The following PEAK1 variants were observed in gnomAD, a reference collection of about 807,000 sequenced individuals.
PEAK1 encodes pseudopodium enriched atypical kinase 1.
A neutral mutation model predicts 124.7 loss-of-function variants in PEAK1; 54 were observed. The observed-to-expected ratio is 0.43, with a 90% confidence interval of 0.35 to 0.54. PEAK1 has a LOEUF of 0.54. PEAK1 is among the 20% of genes least tolerant of loss of function. The pLI is 0.01. For missense variants in PEAK1, 2,046 were observed against 2,134.5 expected, an observed-to-expected ratio of 0.96 and a Z score of 0.82; for synonymous variants, 719 against 760.0, an observed-to-expected ratio of 0.95 and a Z score of 0.89.
At chr15:77,105,893 A>G (rs1208073336), downstream of PEAK1, 1 of 152,264 alleles carries the variant, frequency 6.6e-6, no homozygotes, top group Non-Finnish European at 1.5e-5. Flanking sequence ...ACAGGATGGC[A>G]TCACTGAGGA....
intron 1 of PEAK1, among the ~76,000 whole-genome samples, chr15:77,375,923 C>T (rs1280615043): frequency 1.3e-4 from 20 of 151,828 alleles, no homozygotes; most frequent in Admixed American, 1.1e-3. Flanking sequence ...GGCGGGAACC[C>T]GGGAGGCGGA....
At chr15:77,224,793 G>A (rs1184368744) in intron 6 of PEAK1, among the ~76,000 whole-genome samples, 1 of 151,894 alleles carries the variant, frequency 6.6e-6, no homozygotes, top group Non-Finnish European at 1.5e-5. Context: ...TATTTCATTT[G>A]TATGGAGAGA....
At chr15:77,120,078 A>G (rs1334415114) in intron 9 of PEAK1, among the ~76,000 whole-genome samples, 1 of 152,196 alleles carries the variant, frequency 6.6e-6, no homozygotes, top group Non-Finnish European at 1.5e-5. Flanking sequence ...AAACTGGATG[A>G]TATGACTATG....
intron 2 of PEAK1, among the ~76,000 whole-genome samples, chr15:77,301,647 G>A (rs146604294): frequency 5.5e-4 from 83 of 152,252 alleles, no homozygotes; most frequent in African/African-American, 1.9e-3. Flanking sequence ...AAGGATACAC[G>A]ACATCTCTGT....
At chr15:77,263,579 C>A (rs1380480766) in intron 5 of PEAK1, among the ~76,000 whole-genome samples, 3 of 152,070 alleles carry the variant, frequency 2.0e-5, no homozygotes, top group Non-Finnish European at 4.4e-5. Flanking sequence ...TCTGAATAGA[C>A]CAATAACAGG....
In PEAK1 at chr15:77,272,809, A is replaced by T. The variant is rs2062106611; in HGVS notation, c.-275+11074T>A. Among the ~76,000 whole-genome samples, 2 of 152,190 alleles carry T rather than the reference A, an allele frequency of 1.3e-5. 1 individual carries two copies. Among genetic ancestry groups the T allele is most frequent in the South Asian group, 4.1e-4 (2 of 4,830 alleles). ...AAAACCAGAAAAGGACATAACCAAA[A>T]AAAGAAAACTACAAACCAATATCCC... On this transcript the variant is annotated intron_variant, in intron 5 of 9. Coordinates refer to ENST00000682557, the MANE Select transcript of PEAK1 (RefSeq NM_001385026.1).
At chr15:77,151,736 C>T (rs1256714142) in intron 8 of PEAK1, among the ~76,000 whole-genome samples, 1 of 152,106 alleles carries the variant, frequency 6.6e-6, no homozygotes, top group Non-Finnish European at 1.5e-5. Flanking sequence ...TATGGCTAGC[C>T]AGTTTTCCCA....
intron 9 of PEAK1, among the ~76,000 whole-genome samples, chr15:77,115,779 C>T (rs2051316538): frequency 2.0e-5 from 3 of 152,138 alleles, no homozygotes; most frequent in African/African-American, 7.2e-5. Flanking sequence ...ACCAAAATAC[C>T]TTATTTCATC....
At chr15:77,201,912 C>A (rs2058381967) in intron 6 of PEAK1, among the ~76,000 whole-genome samples, 1 of 152,150 alleles carries the variant, frequency 6.6e-6, no homozygotes, top group South Asian at 2.1e-4. Context: ...AGCAGAATCT[C>A]CAACCCTAAC....
chr15:77,346,478 A>G, intron 2 of PEAK1: 1 of 985,416 alleles, frequency 1.0e-6, no homozygotes, highest in African/African-American at 1.7e-5. Context: ...AGCAGCTGTT[A>G]GAAGCCAATT....
chr15:77,250,211 GTATATATATACACA>G (rs1567166603), intron 6 of PEAK1, among the ~76,000 whole-genome samples: 2 of 131,538 alleles, frequency 1.5e-5, no homozygotes, highest in Non-Finnish European at 3.2e-5. Flanking sequence ...ACATATATAT[GTATATATATACACA>G]TATATATGTA....
At chr15:77,322,157 A>C (rs2065261961) in intron 2 of PEAK1, among the ~76,000 whole-genome samples, 1 of 152,224 alleles carries the variant, frequency 6.6e-6, no homozygotes, top group Non-Finnish European at 1.5e-5. Context: ...TATGGCATTA[A>C]TGCCCACAAG....
chr15:77,133,623 G>C lies in PEAK1; in HGVS notation c.3459C>G (p.Pro1153=), dbSNP rs758984256. The change falls in exon 9 of 10, where the codon CCC becomes CCG. Residue 1153 remains proline, a synonymous_variant. Coordinates refer to ENST00000682557, the MANE Select transcript of PEAK1 (RefSeq NM_001385026.1). The surrounding 1 kb of genome is among the most constrained non-coding windows in gnomAD (Gnocchi z 4.2). ...TTATGATCATCTTCTTTGGCAGTGG[G>C]GGTGGTGTAGGTTGGGAAGCATTGG... ...EAPNASQPTP[P]PLPKKMIIRA... is the part of the protein sequence containing the mutation. 1.9e-6 allele frequency: 3 copies of C among 1,614,028 alleles called. No homozygotes were observed. In the African/African-American group the frequency reaches 4.0e-5, roughly 22 times the overall value.
chr15:77,158,535 G>C lies in PEAK1; in HGVS notation c.3299C>G (p.Pro1100Arg). 3 of 1,614,052 alleles carry C rather than the reference G, an allele frequency of 1.9e-6. No homozygotes were observed. Among genetic ancestry groups the C allele is most frequent in the Non-Finnish European group, 1.7e-6 (2 of 1,179,964 alleles). Residue 1100 changes from proline to arginine, a missense_variant, in exon 8 of 10, where the codon CCG (proline) becomes CGG (arginine). By Grantham distance (103) the Pro-to-Arg change is moderately radical (BLOSUM62 -2). Transcript: ENST00000682557. The stretch of plus-strand genomic sequence containing the variant: ...GCTGTATGTTGCACTACAAGGGTTC[G>C]GGTCCATAGGATCTGAAATGTCTTC... ...GKEDISDPMD[P>R]NPCSATYSNL...
intron 7 of PEAK1, 54 bp downstream of exon 7, chr15:77,178,736 G>C (rs771398470): frequency 2.0e-6 from 3 of 1,520,128 alleles, no homozygotes; most frequent in Non-Finnish European, 2.7e-6. Flanking sequence ...AAAAAACTTA[G>C]CACCTGAAAA....
At chr15:77,177,202 C>T (rs1471744551) in intron 7 of PEAK1, among the ~76,000 whole-genome samples, 2 of 152,032 alleles carry the variant, frequency 1.3e-5, no homozygotes, top group Non-Finnish European at 2.9e-5. Flanking sequence ...GTGATCTGCC[C>T]GCCTTGGCCT....
chr15:77,158,605 T>G lies in PEAK1; in HGVS notation c.3229A>C (p.Thr1077Pro), dbSNP rs56133554. ...AGTTCAGGTAGGGACAATGCTGTTG[T>G]GACTGAAGTGCAGCCCCTGCCATCT... ...KQDGRGCTSV[T>P]TALSLPELER... is the part of the protein sequence containing the mutation. The change falls in exon 8 of 10, where the codon ACA (threonine) becomes CCA (proline). Residue 1077 changes from threonine (T) to proline (P), a missense_variant. Thr to Pro is a conservative substitution (Grantham distance 38, BLOSUM62 -1). Transcript: ENST00000682557. The G allele has an allele frequency of 9.4e-4, 1,522 of 1,614,170 alleles. 23 individuals are homozygous for G. The East Asian group carries it at 0.029, about 31-fold the overall frequency.
intron 5 of PEAK1, among the ~76,000 whole-genome samples, chr15:77,263,482 C>T (rs1234496451): frequency 1.3e-5 from 2 of 152,112 alleles, no homozygotes; most frequent in Non-Finnish European, 2.9e-5. Flanking sequence ...AACACCTCTA[C>T]ACAAATAAAC....
At chr15:77,202,179 G>T (rs17383239) in intron 6 of PEAK1, among the ~76,000 whole-genome samples, 11,702 of 152,204 alleles carry the variant, frequency 0.077, 563 homozygotes, top group Non-Finnish European at 0.1. Flanking sequence ...GAAGCATCAT[G>T]TTTTCTGCCT....
Sources: allele counts gnomAD v4.1 joint callset (sites outside exome capture counted in the v4.1 genomes callset), GRCh38; gene constraint gnomAD v4.1.1; non-coding constraint Gnocchi (gnomAD v3.1); transcripts MANE v1.5; gene names NCBI Gene and HGNC (gene_info 2026-07-23, HGNC 2026-07-21).